Variants in ANO10 observed in about 807,000 individuals in gnomAD.
ANO10 encodes anoctamin 10, also known as anoctamin-10.
ANO10 carries 77 observed loss-of-function variants against 74.7 expected under a neutral mutation model. That is an observed-to-expected ratio of 1.03 (90% CI 0.86 to 1.25). ANO10 has a LOEUF of 1.25. Among genes scored for constraint, ANO10 ranks in the 50% most tolerant of loss-of-function variants. ANO10 has a pLI of 0.00. For synonymous variants in ANO10, 279 were observed against 284.9 expected, an observed-to-expected ratio of 0.98 and a Z score of 0.21; for missense variants, 721 against 778.1, an observed-to-expected ratio of 0.93 and a Z score of 0.87.
At chr3:43,609,049 T>G (rs1426726431) in intron 1 of ANO10, among the ~76,000 whole-genome samples, 2 of 152,208 alleles carry the variant, frequency 1.3e-5, no homozygotes, top group African/African-American at 4.8e-5. Flanking sequence ...TCACTACATA[T>G]AAGACACTGT....
At chr3:43,610,998 C>A (rs1036674055) in intron 1 of ANO10, among the ~76,000 whole-genome samples, 5 of 152,168 alleles carry the variant, frequency 3.3e-5, no homozygotes, top group Non-Finnish European at 7.4e-5. Context: ...TAGTTCTCTA[C>A]CCAATCCTTT....
In ANO10 at chr3:43,600,237, T is replaced by C. The variant is rs938700451; in HGVS notation, c.337+147A>G. ...GCTTCACAATGGCAGTGTTGAGTAA[T>C]TGCAGCAGAGACCACACGGACTGCA... On this transcript the variant is annotated intron_variant, in intron 3 of 12. Transcript: ENST00000292246. 15 of 848,454 alleles carry C rather than the reference T, an allele frequency of 1.8e-5. No individual in the cohort carries two copies. The East Asian group carries it at 2.6e-4, about 15-fold the overall frequency. 52.6% of individuals were successfully genotyped at this position (848,454 alleles called of 1,614,324 possible).
At chr3:43,565,247 AT>A (rs1170154541) in intron 8 of ANO10, among the ~76,000 whole-genome samples, 1 of 152,236 alleles carries the variant, frequency 6.6e-6, no homozygotes, top group African/African-American at 2.4e-5. Flanking sequence ...ACAGCACTGC[AT>A]AGGATCCACT....
intron 12 of ANO10, among the ~76,000 whole-genome samples, chr3:43,379,224 C>T (rs535737733): frequency 1.3e-5 from 2 of 152,362 alleles, no homozygotes; most frequent in East Asian, 3.9e-4. Flanking sequence ...GAACTACCAA[C>T]AGACTGTCTT....
chr3:43,605,779 T>G lies in ANO10; in HGVS notation c.74A>C (p.Gln25Pro), dbSNP rs112040665. The change falls in exon 2 of 13, where the codon CAG becomes CCG. Residue 25 changes from glutamine to proline, a missense_variant. Transcript: ENST00000292246. ...TTCTTTGGTTTCTTCTTTGACATCC[T>G]GAGCAAGTTCTATGACCACCAAAGG... ...FTPLVVIELA[Q>P]DVKEETKEWL... 2.4e-3 allele frequency: 3,870 copies of G among 1,613,794 alleles called. 88 individuals carry two copies. The African/African-American group carries it at 0.045, about 19-fold the overall frequency.
At chr3:43,669,102 G>GT (rs547621471) in intron 1 of ANO10, among the ~76,000 whole-genome samples, 107 of 152,042 alleles carry the variant, frequency 7.0e-4, no homozygotes, top group African/African-American at 2.5e-3. Flanking sequence ...GTGCTTCTCA[G>GT]TTTTTTTTCC....
chr3:43,377,599 C>G (rs2091844553), intron 12 of ANO10, among the ~76,000 whole-genome samples: 1 of 152,164 alleles, frequency 6.6e-6, no homozygotes, highest in African/African-American at 2.4e-5. Flanking sequence ...TGTGACCATC[C>G]AAGGCCAAGA....
intron 2 of ANO10, among the ~76,000 whole-genome samples, chr3:43,602,058 T>C (rs984579295): frequency 3.3e-5 from 5 of 152,216 alleles, no homozygotes; most frequent in African/African-American, 9.6e-5. Context: ...TGGCTGTTAG[T>C]TTCTCCGAAC....
At chr3:43,483,955 G>C (rs1402781168) in intron 11 of ANO10, among the ~76,000 whole-genome samples, 3 of 152,172 alleles carry the variant, frequency 2.0e-5, no homozygotes, top group African/African-American at 7.2e-5. Context: ...ATTATTATTT[G>C]ATACAGGGTC....
At chr3:43,545,535 T>C (rs1055590433) in intron 11 of ANO10, among the ~76,000 whole-genome samples, 1 of 152,084 alleles carries the variant, frequency 6.6e-6, no homozygotes, top group African/African-American at 2.4e-5. Context: ...CCGGCTAATT[T>C]TTGTATTTTT....
At chr3:43,566,369 C>T (rs2080344876) in intron 7 of ANO10, among the ~76,000 whole-genome samples, 1 of 152,256 alleles carries the variant, frequency 6.6e-6, no homozygotes, top group Non-Finnish European at 1.5e-5. Context: ...CTGTAGGCTC[C>T]ACCTCTGGGG....
At chr3:43,418,065 T>A (rs1032807433) in intron 12 of ANO10, among the ~76,000 whole-genome samples, 2 of 152,002 alleles carry the variant, frequency 1.3e-5, no homozygotes, top group Non-Finnish European at 1.5e-5. Flanking sequence ...GATCACAAGG[T>A]CAGGAGTTAA....
chr3:43,555,207 A>AT (rs376240935), intron 10 of ANO10, 71 bp downstream of exon 10: 42 of 1,510,546 alleles, frequency 2.8e-5, no homozygotes, highest in African/African-American at 5.6e-5. Flanking sequence ...TTACTTTTTA[A>AT]TTTTTTTTCC....
chr3:43,655,798 A>G (rs1302246432), intron 1 of ANO10, among the ~76,000 whole-genome samples: 1 of 143,406 alleles, frequency 7.0e-6, no homozygotes, highest in Non-Finnish European at 1.5e-5. Context: ...TGAGCTAGAT[A>G]CAGAGTGCCG....
At chr3:43,672,537 T>G (rs2084072177) in intron 1 of ANO10, among the ~76,000 whole-genome samples, 1 of 152,024 alleles carries the variant, frequency 6.6e-6, no homozygotes, top group Non-Finnish European at 1.5e-5. Context: ...CCTTAAAAAT[T>G]AAAAAACAAA....
intron 12 of ANO10, among the ~76,000 whole-genome samples, chr3:43,420,209 G>T (rs1232486111): frequency 6.6e-6 from 1 of 152,214 alleles, no homozygotes; most frequent in Non-Finnish European, 1.5e-5. Context: ...ACTTTGAGAG[G>T]CTGAGGAGGG....
intron 11 of ANO10, among the ~76,000 whole-genome samples, chr3:43,449,372 T>C (rs1189235034): frequency 6.6e-6 from 1 of 152,144 alleles, no homozygotes; most frequent in Non-Finnish European, 1.5e-5. Flanking sequence ...GAACTGAATT[T>C]AAAAAGTAAT....
At chr3:43,665,617 T>C (rs1410757557) in intron 1 of ANO10, among the ~76,000 whole-genome samples, 1 of 152,210 alleles carries the variant, frequency 6.6e-6, no homozygotes, top group Non-Finnish European at 1.5e-5. Flanking sequence ...TACTGTTCTC[T>C]TGCCTTCCTT....
chr3:43,392,845 A>G (rs543404566), intron 12 of ANO10, among the ~76,000 whole-genome samples: 5 of 152,152 alleles, frequency 3.3e-5, no homozygotes, highest in African/African-American at 1.2e-4. Context: ...ACCACTCCAC[A>G]TTGGCTCCTG....
Sources: gnomAD v4.1 joint callset for allele counts (sites outside exome capture counted in the v4.1 genomes callset) on GRCh38, gnomAD v4.1.1 for gene constraint, MANE v1.5 for transcripts, NCBI Gene and HGNC (gene_info 2026-07-23, HGNC 2026-07-21) for gene names.